Variants in PTPRT observed in about 807,000 individuals in gnomAD.
The protein encoded by PTPRT is receptor-type tyrosine-protein phosphatase T.
PTPRT carries 56 observed loss-of-function variants against 176.8 expected under a neutral mutation model. The observed-to-expected ratio is 0.32, with a 90% CI of 0.26 to 0.40. PTPRT has a LOEUF of 0.40. Among genes scored for constraint, PTPRT ranks in the 10% least tolerant of loss-of-function variants. PTPRT has a pLI of 1.00. For synonymous variants in PTPRT, 783 were observed against 739.0 expected, an observed-to-expected ratio of 1.06 and a Z score of -0.96; for missense variants, 1,540 against 1,908.2, an observed-to-expected ratio of 0.81 and a Z score of 3.60.
chr20:42,046,220 A>G, the PTPRT span, among the ~76,000 whole-genome samples: 4 of 152,156 alleles, frequency 2.6e-5, no homozygotes, highest in African/African-American at 9.7e-5. Flanking sequence ...CGAGCCTGCA[A>G]GTCTCCTTTC....
chr20:42,107,877 C>A (rs961580079), intron 23 of PTPRT, among the ~76,000 whole-genome samples: 1 of 152,172 alleles, frequency 6.6e-6, no homozygotes, highest in Non-Finnish European at 1.5e-5. Flanking sequence ...CGGACCACTA[C>A]CTACAACAAT....
chr20:42,258,507 A>G (rs1299399619), intron 13 of PTPRT, among the ~76,000 whole-genome samples: 1 of 152,192 alleles, frequency 6.6e-6, no homozygotes, highest in Non-Finnish European at 1.5e-5. Flanking sequence ...CAAACAAACC[A>G]TCCCATATAA....
At chr20:43,094,413 TTTCAGACGGAG>T (rs2012033731) in intron 1 of PTPRT, among the ~76,000 whole-genome samples, 1 of 144,296 alleles carries the variant, frequency 6.9e-6, no homozygotes, top group African/African-American at 2.6e-5. Flanking sequence ...TTTTTTTTTT[TTTCAGACGGAG>T]TTTCGCTCTT....
intron 7 of PTPRT, among the ~76,000 whole-genome samples, chr20:42,594,779 C>G (rs544834322): frequency 2.6e-5 from 4 of 152,132 alleles, no homozygotes; most frequent in African/African-American, 9.7e-5. Flanking sequence ...TTCAAAAATC[C>G]AGCTTTCTGT....
chr20:42,601,148 TGAGCTAC>T (rs1320622267), intron 7 of PTPRT, among the ~76,000 whole-genome samples: 9 of 152,324 alleles, frequency 5.9e-5, no homozygotes, highest in African/African-American at 2.2e-4. Context: ...CCTGATAGAA[TGAGCTAC>T]TCTCCATAGT....
intron 7 of PTPRT, among the ~76,000 whole-genome samples, chr20:42,491,016 C>T (rs2071553247): frequency 6.6e-6 from 1 of 151,934 alleles, no homozygotes; most frequent in Non-Finnish European, 1.5e-5. Context: ...ATGCTTGTCT[C>T]AAGGATTGAA....
intron 9 of PTPRT, among the ~76,000 whole-genome samples, chr20:42,391,984 G>A (rs1424182126): frequency 2.0e-5 from 3 of 152,056 alleles, no homozygotes; most frequent in African/African-American, 7.2e-5. Context: ...TGCCATGATG[G>A]GCAATGGCCA....
At chr20:42,588,049 T>A (rs957252008) in intron 7 of PTPRT, among the ~76,000 whole-genome samples, 3 of 152,186 alleles carry the variant, frequency 2.0e-5, no homozygotes, top group African/African-American at 7.2e-5. Flanking sequence ...AGGCATCTTG[T>A]CAGCTGCAGC....
chr20:42,297,544 T>C (rs905347276), intron 12 of PTPRT, among the ~76,000 whole-genome samples: 2 of 152,172 alleles, frequency 1.3e-5, no homozygotes, highest in African/African-American at 4.8e-5. Flanking sequence ...CACTAAAATT[T>C]ATAGGGAACA....
At chr20:43,032,461 A>G (rs1024594838) in intron 1 of PTPRT, among the ~76,000 whole-genome samples, 1 of 144,208 alleles carries the variant, frequency 6.9e-6, no homozygotes, top group African/African-American at 2.8e-5. Flanking sequence ...CCACTGTCCC[A>G]AATCTTTTCA....
intron 27 of PTPRT, among the ~76,000 whole-genome samples, chr20:42,090,389 CAG>C (rs1984486229): frequency 6.6e-6 from 1 of 150,906 alleles, no homozygotes; most frequent in Non-Finnish European, 1.5e-5. Context: ...TGTCAAAATA[CAG>C]AGATCTGTGG....
intron 1 of PTPRT, among the ~76,000 whole-genome samples, chr20:42,970,530 G>A (rs1425906148): frequency 6.6e-6 from 1 of 152,156 alleles, no homozygotes; most frequent in African/African-American, 2.4e-5. Flanking sequence ...ACCTCTCTGT[G>A]CCTCAGTTCC....
intron 9 of PTPRT, among the ~76,000 whole-genome samples, chr20:42,428,092 G>A (rs1039796789): frequency 4.6e-5 from 7 of 152,268 alleles, no homozygotes; most frequent in Middle Eastern, 6.8e-3. Context: ...TCACACGGAC[G>A]CACATGAAAA....
intron 1 of PTPRT, among the ~76,000 whole-genome samples, chr20:43,095,303 C>T (rs1413582036): frequency 6.6e-6 from 1 of 152,116 alleles, no homozygotes; most frequent in African/African-American, 2.4e-5. Context: ...TCATTTCTCC[C>T]ACCAGCACTG....
Position 42,080,126 on chromosome 20 carries a change from G to A in PTPRT, c.*753C>T, listed in dbSNP as rs1983172285. 4.3e-6 allele frequency: 1 copy of A among 232,876 alleles called. No individual in the cohort carries two copies. The highest frequency in any genetic ancestry group is 8.5e-6 in the Non-Finnish European group (1 of 117,900). The allele number at this position is 232,876 out of a possible 1,614,324, so 14.4% of individuals were successfully genotyped here. A position where few individuals can be genotyped will look rare whatever the true frequency, so the allele number is the denominator to read the frequency against. ...AGGTGGTCCCTTTTTACAAAGACAA[G>A]GAGGAGCAGAGAAGTTCCCTGCAGT... On this transcript the variant is annotated 3_prime_UTR_variant, in exon 31 of 31. Transcript: ENST00000373187.
chr20:42,974,985 G>C (rs1053335650), intron 1 of PTPRT, among the ~76,000 whole-genome samples: 3 of 152,056 alleles, frequency 2.0e-5, no homozygotes, highest in Non-Finnish European at 4.4e-5. Flanking sequence ...AAAATAACTA[G>C]AATGCATTAT....
At chr20:42,068,128 T>C (rs551598745), downstream of PTPRT, among the ~76,000 whole-genome samples, 32 of 152,286 alleles carry the variant, frequency 2.1e-4, no homozygotes, top group African/African-American at 7.5e-4. Context: ...AAAGATTTCA[T>C]TGTTAACTTC....
intron 7 of PTPRT, among the ~76,000 whole-genome samples, chr20:42,538,035 G>C (rs75372551): frequency 0.015 from 2,246 of 151,780 alleles, 55 homozygotes; most frequent in African/African-American, 0.052. Context: ...AAATATAACA[G>C]ATGACACATT....
chr20:42,370,753 AATAGTTTTCC>A (rs2145597874), intron 9 of PTPRT, among the ~76,000 whole-genome samples: 1 of 152,318 alleles, frequency 6.6e-6, no homozygotes, highest in Non-Finnish European at 1.5e-5. Flanking sequence ...AAAGTTCTTC[AATAGTTTTCC>A]ATTGGTCTTA....
Sources: gnomAD v4.1 joint callset for allele counts (sites outside exome capture counted in the v4.1 genomes callset) on GRCh38, gnomAD v4.1.1 for gene constraint, MANE v1.5 for transcripts, NCBI Gene and HGNC (gene_info 2026-07-23, HGNC 2026-07-21) for gene names.